The following CSF2RA variants were observed in gnomAD, a reference collection of about 807,000 sequenced individuals.
CSF2RA encodes the protein colony stimulating factor 2 receptor subunit alpha.
A neutral mutation model predicts 51.6 loss-of-function variants in CSF2RA; 42 were observed. The observed-to-expected ratio is 0.81, with a 90% CI of 0.64 to 1.05. The LOEUF is 1.05. Among genes scored for constraint, CSF2RA ranks in the 50% least tolerant of loss-of-function variants. The pLI is 0.00. For missense variants in CSF2RA, 530 were observed against 501.1 expected (o/e 1.06, Z -0.55); for synonymous variants, 222 against 193.0 (o/e 1.15, Z -1.24).
rs1478464217 is a variant in CSF2RA, at chrX:1,274,154, CA to C, written c.-90-597del. 2.6e-5 allele frequency among the ~76,000 whole-genome samples: 4 copies of C among 152,122 alleles called. No individual in the cohort carries two copies. In the East Asian group the frequency reaches 7.7e-4, roughly 29 times the overall value. Reference sequence around the variant, plus strand: ...GATGTTGCATAATTTTCCGTGAGTGCAAAATGTCCTGTAAACCAAAAAAGAG... The same window carrying C: ...GATGTTGCATAATTTTCCGTGAGTGCAAATGTCCTGTAAACCAAAAAAGAG... On this transcript the variant is annotated intron_variant, in intron 1 of 12. Transcript: ENST00000381529.
chrX:1,320,674 T>A, the CSF2RA span, among the ~76,000 whole-genome samples: 1 of 149,390 alleles, frequency 6.7e-6, no homozygotes, highest in African/African-American at 2.4e-5. Context: ...ATTTTTTTTT[T>A]TTTTTTTTTT....
At chrX:1,314,981 A>G (rs778535098), downstream of CSF2RA, among the ~76,000 whole-genome samples, 621 of 112,600 alleles carry the variant, frequency 5.5e-3, 21 homozygotes, top group Non-Finnish European at 1.0e-2. Flanking sequence ...TGCCTGCCCA[A>G]TCGCACTGCA....
chrX:1,292,878 T>A (rs1250102956), intron 7 of CSF2RA, among the ~76,000 whole-genome samples: 2 of 152,014 alleles, frequency 1.3e-5, no homozygotes, highest in African/African-American at 4.8e-5. Context: ...CAGGTCTTTT[T>A]CCCTTCCCAC....
intron 1 of CSF2RA, among the ~76,000 whole-genome samples, chrX:1,270,911 G>A (rs376313247): frequency 0.06 from 3,170 of 53,202 alleles, 209 homozygotes; most frequent in Middle Eastern, 0.14. Context: ...GCGTGGTGGC[G>A]GGCGCCTGTA....
In CSF2RA at chrX:1,280,904, GCTCCTTCTCCTCCTCCTC is replaced by G. The variant is rs1491436221; in HGVS notation, c.-26-1750_-26-1733del. ...TGCTCCTTCTCCTCCTCCTCCTCCT[GCTCCTTCTCCTCCTCCTC>G]CTCCTTCTCCTCCTCCTCCTCCTGC... On this transcript the variant is annotated intron_variant, in intron 2 of 12. Transcript: ENST00000381529. Among the ~76,000 whole-genome samples, 38 of 27,000 alleles carry G rather than the reference GCTCCTTCTCCTCCTCCTC, an allele frequency of 1.4e-3. 1 individual carries two copies. Among genetic ancestry groups the G allele is most frequent in the South Asian group, 2.3e-3 (1 of 442 alleles). 17.7% of individuals were successfully genotyped at this position (27,000 alleles called of 152,430 possible).
At chrX:1,294,213 T>A (rs1370718791) in intron 7 of CSF2RA, 115 bp from the exon 8 acceptor site, 2 of 1,283,744 alleles carry the variant, frequency 1.6e-6, no homozygotes, top group African/African-American at 3.3e-5. Context: ...CAGGACCTAC[T>A]CCACCTCCAC....
intron 1 of CSF2RA, among the ~76,000 whole-genome samples, chrX:1,269,298 G>A (rs1293103064): frequency 1.3e-5 from 2 of 152,122 alleles, no homozygotes; most frequent in Non-Finnish European, 2.9e-5. Flanking sequence ...TGAATTCACA[G>A]CTATCTGTGG....
chrX:1,307,122 G>A (rs1360448861), intron 12 of CSF2RA, among the ~76,000 whole-genome samples: 2 of 152,150 alleles, frequency 1.3e-5, no homozygotes, highest in Non-Finnish European at 2.9e-5. Context: ...CAGGGACTGC[G>A]TCTTATGTTG....
chrX:1,297,880 C>T (rs1410594765), intron 9 of CSF2RA, among the ~76,000 whole-genome samples: 121 of 108,682 alleles, frequency 1.1e-3, no homozygotes, highest in African/African-American at 3.5e-3. Context: ...CTGGCGGAAC[C>T]CTACAGTCCC....
At chrX:1,289,197 C>T in intron 6 of CSF2RA, 1 of 412,356 alleles carries the variant, frequency 2.4e-6, no homozygotes, top group South Asian at 2.3e-5. Flanking sequence ...GATCTCAGCT[C>T]CCTGCAACCT....
the CSF2RA span, among the ~76,000 whole-genome samples, chrX:1,319,121 T>G: frequency 3.5e-3 from 512 of 145,872 alleles, 8 homozygotes; most frequent in African/African-American, 0.011. Flanking sequence ...TCAGCCTCCC[T>G]AGTAGCTGGG....
downstream of CSF2RA, among the ~76,000 whole-genome samples, chrX:1,312,203 T>C (rs2084221460): frequency 6.6e-6 from 1 of 152,100 alleles, no homozygotes; most frequent in African/African-American, 2.4e-5. Flanking sequence ...CCTCTCAAAG[T>C]GCTGGGATTA....
At chrX:1,291,904 T>A (rs1469251029) in intron 7 of CSF2RA, among the ~76,000 whole-genome samples, 2 of 140,528 alleles carry the variant, frequency 1.4e-5, no homozygotes, top group African/African-American at 5.0e-5. Flanking sequence ...CTGGACCCAG[T>A]GTAGACAGGA....
At position 1,294,220 on chromosome X, in the gene CSF2RA, C is replaced by G. The variant is rs2091696715; in HGVS notation, c.647-108C>G. On this transcript the variant is annotated intron_variant, in intron 7 of 12. Transcript: ENST00000381529. Reference sequence around the variant, plus strand: ...AGTGTAGACAGGACCTACTCCACCTCCACCTGGACCCAGTGTAGACAGGAG... The same window carrying G: ...AGTGTAGACAGGACCTACTCCACCTGCACCTGGACCCAGTGTAGACAGGAG... 18 of 1,407,512 alleles carry G rather than the reference C, an allele frequency of 1.3e-5. No individual in the cohort carries two copies. The South Asian group carries it at 2.1e-4, about 16-fold the overall frequency. The allele number at this position is 1,407,512 out of a possible 1,614,324, so 87.2% of individuals were successfully genotyped here.
chrX:1,323,999 G>A, the CSF2RA span, among the ~76,000 whole-genome samples: 3 of 146,566 alleles, frequency 2.0e-5, no homozygotes, highest in Non-Finnish European at 4.6e-5. Flanking sequence ...GGACAATGGT[G>A]TGAGACTCCG....
intron 12 of CSF2RA, among the ~76,000 whole-genome samples, chrX:1,308,534 C>T (rs1195584697): frequency 6.6e-6 from 1 of 152,048 alleles, no homozygotes; most frequent in Non-Finnish European, 1.5e-5. Context: ...CACCTCTCTC[C>T]AGCTCAGGGG....
intron 10 of CSF2RA, chrX:1,303,419 T>A (rs1327775003): frequency 2.5e-6 from 1 of 407,662 alleles, no homozygotes. Flanking sequence ...ATTTTTTTTT[T>A]AGCAGAGATG....
intron 2 of CSF2RA, among the ~76,000 whole-genome samples, chrX:1,277,319 C>T (rs1343390492): frequency 2.0e-5 from 3 of 151,810 alleles, no homozygotes; most frequent in Non-Finnish European, 4.4e-5. Flanking sequence ...TCAGGGCGGC[C>T]GGGCGCTGTG....
At chrX:1,285,520 C>G (rs1484694574) in intron 3 of CSF2RA, 1 of 518,160 alleles carries the variant, frequency 1.9e-6, no homozygotes, top group African/African-American at 2.0e-5. Flanking sequence ...ATGGTGAAAC[C>G]CCCATCTCTA....
Sources: gnomAD v4.1 joint callset for allele counts (sites outside exome capture counted in the v4.1 genomes callset) on GRCh38, gnomAD v4.1.1 for gene constraint, MANE v1.5 for transcripts, NCBI Gene and HGNC (gene_info 2026-07-23, HGNC 2026-07-21) for gene names.